Variants in KRT33B observed in about 807,000 individuals in gnomAD.
KRT33B encodes the protein keratin, type I cuticular Ha3-II.
In KRT33B, 37 loss-of-function variants were observed where a neutral mutation model predicts 42.7. The ratio of observed to expected loss-of-function variants is 0.87; its 90% CI spans 0.67 to 1.14. KRT33B has a LOEUF of 1.14. KRT33B is among the 50% of genes most tolerant of loss of function. The pLI is 0.00. For synonymous variants in KRT33B, 237 were observed against 221.2 expected (o/e 1.07, Z -0.63); for missense variants, 523 against 515.1 (o/e 1.02, Z -0.15).
rs140761053 is a variant in KRT33B, at chr17:41,367,946, G to A, written c.393C>T (p.Ile131=). 25 of 1,612,878 alleles carry A rather than the reference G, an allele frequency of 1.6e-5. No individual in the cohort carries two copies. The highest frequency in any genetic ancestry group is 2.2e-5 in the East Asian group (1 of 44,890). The change falls in exon 2 of 7, where the codon ATC becomes ATT. Residue 131 remains isoleucine, a synonymous_variant. Transcript: ENST00000251646. ...CATCTGCAGCCAGCTTGGCATTGTC[G>A]ATCTGCACCACCAGCCTGGCATTCT... The part of the protein sequence containing the change: ...KSENARLVVQ[I]DNAKLAADDF...
rs907789864 is a variant in KRT33B, at chr17:41,365,063, G to C, written c.877-64C>G. 10 of 1,607,870 alleles carry C rather than the reference G, an allele frequency of 6.2e-6. No individual in the cohort carries two copies. In the African/African-American group the frequency reaches 6.8e-5, roughly 11 times the overall value. On this transcript the variant is annotated intron_variant, in intron 5 of 6. Coordinates refer to ENST00000251646, the MANE Select transcript of KRT33B (RefSeq NM_002279.5). ...CTTATAGGGTTCCTCCATGGGGTTC[G>C]AAAAAACTCACAAGCTCCAAGAGCT...
intron 2 of KRT33B, 45 bp downstream of exon 2, chr17:41,367,863 A>C: frequency 2.6e-6 from 4 of 1,546,624 alleles, no homozygotes; most frequent in Non-Finnish European, 3.6e-6. Flanking sequence ...TTTGTAATTC[A>C]GCCTGTCCGT....
chr17:41,368,099 T>A, intron 1 of KRT33B, 109 bp from the exon 2 acceptor site: 1 of 961,336 alleles, frequency 1.0e-6, no homozygotes, highest in Admixed American at 1.9e-5. Flanking sequence ...CTTTGAGTCC[T>A]TTCAGATTTT....
At chr17:41,364,746 C>A in intron 6 of KRT33B, 33 bp downstream of exon 6, 1 of 1,611,484 alleles carries the variant, frequency 6.2e-7, no homozygotes, top group Non-Finnish European at 8.5e-7. Flanking sequence ...CAGTGCCTGT[C>A]CCTTGCAGGG....
Position 41,366,549 on chromosome 17 carries a change from G to A in KRT33B, c.509C>T (p.Thr170Ile), listed in dbSNP as rs751166166. 9 of 1,612,326 alleles carry A rather than the reference G, an allele frequency of 5.6e-6. No homozygotes were observed. The Admixed American group carries it at 1.0e-4, about 18-fold the overall frequency. The change falls in exon 3 of 7, where the codon ACC (threonine) becomes ATC (isoleucine). Residue 170 changes from threonine to isoleucine, a missense_variant. Coordinates refer to ENST00000251646, the MANE Select transcript of KRT33B (RefSeq NM_002279.5). ...NSLRRILDEL[T>I]LCRSDLEAQM... ...GGCCTCCAGGTCAGACCTGCACAGG[G>A]TCAGCTCATCCAGAATCCTGCGCAG...
chr17:41,365,877 T>A (rs2017694581), intron 3 of KRT33B, among the ~76,000 whole-genome samples: 1 of 151,336 alleles, frequency 6.6e-6, no homozygotes, highest in Non-Finnish European at 1.5e-5. Context: ...AGAAACCAGG[T>A]TTCATTCCTC....
At chr17:41,366,967 C>A (rs749025437) in intron 2 of KRT33B, among the ~76,000 whole-genome samples, 17 of 151,284 alleles carry the variant, frequency 1.1e-4, no homozygotes, top group Non-Finnish European at 2.4e-4. Flanking sequence ...TCCTGTCATC[C>A]TTTCCAGCCT....
At chr17:41,369,329 T>A in intron 1 of KRT33B, 74 bp downstream of exon 1, 2 of 1,560,856 alleles carry the variant, frequency 1.3e-6, no homozygotes, top group Non-Finnish European at 1.7e-6. Flanking sequence ...CAGACTTAGA[T>A]CCATTCACAG....
At position 41,369,363 on chromosome 17, in the gene KRT33B, G is replaced by A. The variant is rs189458620; in HGVS notation, c.348+40C>T. On this transcript the variant is annotated intron_variant, in intron 1 of 6. Transcript: ENST00000251646. ...AGTTTAGTATGTCAAATATAGATAA[G>A]TAGTTCATTAAGCTGGCAGTGTGGT... 2.1e-4 allele frequency: 332 copies of A among 1,606,770 alleles called. 4 individuals are homozygous for A. Among genetic ancestry groups the A allele is most frequent in the Middle Eastern group, 1.8e-3 (11 of 6,018 alleles).
At chr17:41,365,888 C>A (rs148145240) in intron 3 of KRT33B, among the ~76,000 whole-genome samples, 2 of 151,248 alleles carry the variant, frequency 1.3e-5, no homozygotes, top group African/African-American at 4.9e-5. Flanking sequence ...TTCATTCCTC[C>A]TATTTATTTC....
Position 41,364,961 on chromosome 17 carries a change from G to A in KRT33B, c.915C>T (p.Ala305=). 6.2e-7 allele frequency: 1 copy of A among 1,613,392 alleles called. No individual in the cohort carries two copies. The highest frequency in any genetic ancestry group is 8.5e-7 in the Non-Finnish European group (1 of 1,180,056). The part of the protein sequence containing the change: ...SLENTLTESE[A]RYSSQLSQVQ... ...CCTGGGACAGCTGGGAGCTGTAGCG[G>A]GCCTCGCTCTCTGTCAGCGTGTTTT... The change falls in exon 6 of 7, where the codon GCC becomes GCT. Residue 305 remains alanine (A), a synonymous_variant. Transcript: ENST00000251646.
At position 41,363,897 on chromosome 17, in the gene KRT33B, C is replaced by G. The variant is rs1448958245; in HGVS notation, c.1154G>C (p.Cys385Ser). The change falls in exon 7 of 7, where the codon TGT becomes TCT. Residue 385 changes from cysteine (C) to serine (S), a missense_variant. By Grantham distance (112) the Cys-to-Ser change is moderately radical. Coordinates refer to ENST00000251646, the MANE Select transcript of KRT33B (RefSeq NM_002279.5). Reference protein sequence around the residue: ...TNACEKPIGSCVTNPCGPRSR... With the variant: ...TNACEKPIGSSVTNPCGPRSR... ...ACGAGGACCACAAGGATTGGTGACA[C>G]AGGATCCAATGGGCTTTTCACATGC... 2 of 1,611,928 alleles carry G rather than the reference C, an allele frequency of 1.2e-6. No homozygotes were observed. Among genetic ancestry groups the G allele is most frequent in the East Asian group, 4.5e-5 (2 of 44,878 alleles).
rs529947864 is a variant in KRT33B, at chr17:41,365,464, G to T, written c.678C>A (p.Asn226Lys). 6 of 1,612,920 alleles carry T rather than the reference G, an allele frequency of 3.7e-6. No individual in the cohort carries two copies. In the East Asian group the frequency reaches 1.1e-4, roughly 30 times the overall value. ...APAVDLNQVL[N>K]ETRNQYEALV... ...GGGCCTCATACTGATTCCTGGTCTC[G>T]TTCAGGACCTGGTTCAGGTCCACAG... Residue 226 changes from asparagine to lysine, a missense_variant, in exon 4 of 7, where the codon AAC (asparagine) becomes AAA (lysine). Transcript: ENST00000251646.
chr17:41,367,768 G>T, intron 2 of KRT33B, 140 bp downstream of exon 2: 1 of 663,614 alleles, frequency 1.5e-6, no homozygotes, highest in South Asian at 2.1e-5. Context: ...AAGAGGCTTT[G>T]ACATTTAACC....
At position 41,369,511 on chromosome 17, in the gene KRT33B, G is replaced by A. The variant is rs147827271; in HGVS notation, c.240C>T (p.Asp80=). ...YLEKVRQLER[D]NAELENLIRE... is the part of the protein sequence containing the mutation. The stretch of plus-strand genomic sequence containing the variant: ...GGATGAGGTTCTCCAGCTCCGCGTT[G>A]TCCCGCTCCAGCTGACGCACCTTCT... Residue 80 remains aspartate (D), a synonymous_variant, in exon 1 of 7, where the codon GAC becomes GAT. Transcript: ENST00000251646. 1 of 1,614,002 alleles carries A rather than the reference G, an allele frequency of 6.2e-7. No homozygotes were observed. The highest frequency in any genetic ancestry group is 8.5e-7 in the Non-Finnish European group (1 of 1,180,038).
At chr17:41,369,322 A>G in intron 1 of KRT33B, 81 bp downstream of exon 1, 2 of 1,544,364 alleles carry the variant, frequency 1.3e-6, no homozygotes, top group Non-Finnish European at 1.8e-6. Context: ...CTGTGAACAG[A>G]CTTAGATCCA....
intron 5 of KRT33B, 31 bp downstream of exon 5, chr17:41,365,144 T>C: frequency 6.2e-7 from 1 of 1,610,088 alleles, no homozygotes; most frequent in African/African-American, 1.4e-5. Context: ...CAAGTTCCCA[T>C]CGCTCACCAG....
Position 41,364,864 on chromosome 17 carries a change from C to G in KRT33B, c.1012G>C (p.Glu338Gln). ...IRSDLERQNQ[E>Q]YQVLLDVRAR... ...CGCACGTCCAGCAGCACCTGATACT[C>G]CTGGTTCTGCCGCTCCAGGTCACTG... Residue 338 changes from glutamate (E) to glutamine (Q), a missense_variant, in exon 6 of 7, where the codon GAG becomes CAG. Coordinates refer to ENST00000251646, the MANE Select transcript of KRT33B (RefSeq NM_002279.5). The G allele has an allele frequency of 6.2e-7, 1 of 1,613,248 alleles. No individual in the cohort carries two copies. Among genetic ancestry groups the G allele is most frequent in the Non-Finnish European group, 8.5e-7 (1 of 1,180,038 alleles).
intron 2 of KRT33B, 46 bp from the exon 3 acceptor site, chr17:41,366,672 C>A (rs764622538): frequency 2.6e-6 from 4 of 1,520,584 alleles, no homozygotes; most frequent in Admixed American, 4.5e-5. Flanking sequence ...AAAAAAAAGT[C>A]TTTGTTTCCC....
Sources: gnomAD v4.1 joint callset for allele counts (sites outside exome capture counted in the v4.1 genomes callset) on GRCh38, gnomAD v4.1.1 for gene constraint, MANE v1.5 for transcripts, NCBI Gene and HGNC (gene_info 2026-07-23, HGNC 2026-07-21) for gene names.